DLG2: variants seen among roughly 807,000 people sequenced by gnomAD.
DLG2 encodes disks large homolog 2.
A neutral mutation model predicts 132.5 loss-of-function variants in DLG2; 45 were observed. The ratio of observed to expected loss-of-function variants is 0.34; its 90% CI spans 0.27 to 0.44. The LOEUF is 0.44. DLG2 is among the 20% of genes least tolerant of loss of function. The pLI is 1.00. For synonymous variants in DLG2, 424 were observed against 419.6 expected (o/e 1.01, Z -0.13); for missense variants, 1,045 against 1,196.9 (o/e 0.87, Z 1.87).
chr11:83,518,749 A>G (rs779645875), intron 21 of DLG2, among the ~76,000 whole-genome samples: 10 of 152,186 alleles, frequency 6.6e-5, no homozygotes, highest in Admixed American at 2.6e-4. Flanking sequence ...AAATCTACCC[A>G]TCAGAGTCTT....
intron 6 of DLG2, among the ~76,000 whole-genome samples, chr11:84,671,547 T>TA (rs1337894954): frequency 1.3e-5 from 2 of 152,138 alleles, no homozygotes; most frequent in East Asian, 3.9e-4. Flanking sequence ...TGCTGTAAAA[T>TA]AAACACTGCT....
At chr11:84,677,248 G>A (rs915426356) in intron 6 of DLG2, among the ~76,000 whole-genome samples, 6 of 151,988 alleles carry the variant, frequency 3.9e-5, no homozygotes, top group Admixed American at 2.6e-4. Flanking sequence ...GTCATTCCGG[G>A]CATCCCCAAG....
intron 3 of DLG2, among the ~76,000 whole-genome samples, chr11:85,590,647 C>A (rs547118279): frequency 0.027 from 4,092 of 151,020 alleles, 133 homozygotes; most frequent in Non-Finnish European, 0.026. Flanking sequence ...CTCTCTCTCT[C>A]TCTCTATATA....
intron 6 of DLG2, among the ~76,000 whole-genome samples, chr11:84,901,977 T>C (rs2090944997): frequency 1.3e-5 from 2 of 152,136 alleles, no homozygotes; most frequent in Non-Finnish European, 1.5e-5. Context: ...GATAAACATA[T>C]AGGTTATAAT....
intron 18 of DLG2, among the ~76,000 whole-genome samples, chr11:83,714,920 C>G (rs528434747): frequency 1.9e-3 from 291 of 152,174 alleles, no homozygotes; most frequent in Middle Eastern, 0.014. Context: ...GGTATATACC[C>G]AAAGGATTAT....
intron 9 of DLG2, among the ~76,000 whole-genome samples, chr11:84,100,786 A>G (rs1160659114): frequency 6.6e-6 from 1 of 152,108 alleles, no homozygotes. Context: ...CAATGTCAAG[A>G]TAAGATCAGC....
At chr11:83,570,970 A>G (rs905251566) in intron 19 of DLG2, among the ~76,000 whole-genome samples, 4 of 151,858 alleles carry the variant, frequency 2.6e-5, no homozygotes, top group African/African-American at 9.7e-5. Context: ...ACAACTTCCA[A>G]CTCCTGGGTT....
At chr11:84,211,491 C>G (rs2096754513) in intron 8 of DLG2, among the ~76,000 whole-genome samples, 1 of 152,140 alleles carries the variant, frequency 6.6e-6, no homozygotes. Flanking sequence ...GTGATCTGCC[C>G]ACCTTAGCCT....
chr11:84,470,151 T>C (rs920052199), intron 7 of DLG2, among the ~76,000 whole-genome samples: 4 of 151,794 alleles, frequency 2.6e-5, no homozygotes, highest in African/African-American at 9.7e-5. Context: ...ACTGAAATGT[T>C]GTTATGTGGT....
At chr11:84,008,091 G>A (rs1480278437) in intron 11 of DLG2, among the ~76,000 whole-genome samples, 3 of 151,618 alleles carry the variant, frequency 2.0e-5, no homozygotes, top group Admixed American at 1.3e-4. Flanking sequence ...ACAAAACTAT[G>A]TCATATCATG....
chr11:84,992,348 A>G (rs2057210026), intron 6 of DLG2, among the ~76,000 whole-genome samples: 1 of 152,184 alleles, frequency 6.6e-6, no homozygotes, highest in Admixed American at 6.5e-5. Flanking sequence ...TTATTGACAA[A>G]TATGTTCCCA....
chr11:84,893,104 T>C (rs1253890652), intron 6 of DLG2, among the ~76,000 whole-genome samples: 1 of 152,148 alleles, frequency 6.6e-6, no homozygotes, highest in Non-Finnish European at 1.5e-5. Flanking sequence ...GCTTAGCATA[T>C]TACTTGCCAA....
At chr11:84,327,168 G>A (rs1172299776) in intron 7 of DLG2, among the ~76,000 whole-genome samples, 1 of 141,194 alleles carries the variant, frequency 7.1e-6, no homozygotes, top group Non-Finnish European at 1.5e-5. Flanking sequence ...CCAGACTGGA[G>A]TGCGGTGGTG....
chr11:85,255,605 C>A (rs1411516661), intron 4 of DLG2, among the ~76,000 whole-genome samples: 2 of 152,172 alleles, frequency 1.3e-5, no homozygotes, highest in Non-Finnish European at 2.9e-5. Context: ...ATAAGGCAAT[C>A]TAAATTAACA....
chr11:83,649,628 GCT>G (rs943849485), intron 18 of DLG2, among the ~76,000 whole-genome samples: 37 of 152,050 alleles, frequency 2.4e-4, no homozygotes, highest in African/African-American at 8.7e-4. Context: ...TACTTCCCCT[GCT>G]CTGTTTTACA....
intron 6 of DLG2, among the ~76,000 whole-genome samples, chr11:84,721,546 CAAAAA>C (rs5793137): frequency 7.3e-6 from 1 of 137,348 alleles, no homozygotes; most frequent in African/African-American, 2.5e-5. Context: ...GCAGAAAGAC[CAAAAA>C]AAAAAAAAAA....
At chr11:83,821,835 GAA>G (rs2050890921) in intron 17 of DLG2, among the ~76,000 whole-genome samples, 1 of 152,036 alleles carries the variant, frequency 6.6e-6, no homozygotes, top group African/African-American at 2.4e-5. Flanking sequence ...TCTCTCTACT[GAA>G]TCATTTCCAT....
At chr11:85,220,637 A>AATATATATATATAT (rs1554992640) in intron 4 of DLG2, among the ~76,000 whole-genome samples, 2 of 148,260 alleles carry the variant, frequency 1.3e-5, no homozygotes, top group African/African-American at 5.0e-5. Context: ...TAGAAAAAAA[A>AATATATATATATAT]ATATATATAT....
chr11:84,060,629 T>A (rs1172983809), intron 10 of DLG2, among the ~76,000 whole-genome samples: 2 of 151,882 alleles, frequency 1.3e-5, no homozygotes, highest in Admixed American at 1.3e-4. Flanking sequence ...GGCCATCGAC[T>A]CCAAATATAT....
Sources: gnomAD v4.1 joint callset for allele counts (sites outside exome capture counted in the v4.1 genomes callset) on GRCh38, gnomAD v4.1.1 for gene constraint, MANE v1.5 for transcripts, NCBI Gene and HGNC (gene_info 2026-07-23, HGNC 2026-07-21) for gene names.